The following CIITA variants were observed in gnomAD, a reference collection of about 807,000 sequenced individuals.
CIITA encodes MHC class II transactivator.
Under a neutral mutation model 115.1 loss-of-function variants are expected in CIITA, and 72 were observed. The ratio of observed to expected loss-of-function variants is 0.63; its 90% CI spans 0.52 to 0.76. CIITA has a LOEUF of 0.76. Ranked by LOEUF, CIITA falls within the 30% of genes least tolerant of loss-of-function variation. The pLI is 0.00. For missense variants in CIITA, 1,617 were observed against 1,463.8 expected (o/e 1.10, Z -1.71); for synonymous variants, 763 against 635.6 (o/e 1.20, Z -3.02).
chr16:10,894,089 C>T (rs1382126315), intron 1 of CIITA, among the ~76,000 whole-genome samples: 1 of 152,102 alleles, frequency 6.6e-6, no homozygotes, highest in Non-Finnish European at 1.5e-5. Context: ...TGGGCTCAAG[C>T]GATTCTCCTG....
At chr16:10,886,037 T>C (rs2036909074) in intron 1 of CIITA, among the ~76,000 whole-genome samples, 1 of 147,650 alleles carries the variant, frequency 6.8e-6, no homozygotes, top group African/African-American at 2.4e-5. Flanking sequence ...TTGTATGTGC[T>C]CTTATAAAAC....
intron 1 of CIITA, among the ~76,000 whole-genome samples, chr16:10,890,038 A>C (rs2037392010): frequency 6.6e-6 from 1 of 152,184 alleles, no homozygotes; most frequent in Non-Finnish European, 1.5e-5. Flanking sequence ...GCAGAAGTCC[A>C]CTGTGAGCTG....
Position 10,928,983 on chromosome 16 carries a change from C to G in CIITA, c.*5128C>G, listed in dbSNP as rs996585574. The G allele has an allele frequency of 1.9e-5, 3 of 154,408 alleles. No homozygotes were observed. The highest frequency in any genetic ancestry group is 4.8e-5 in the African/African-American group (2 of 41,478). 9.6% of individuals were successfully genotyped at this position (154,408 alleles called of 1,614,324 possible). On this transcript the variant is annotated 3_prime_UTR_variant, in exon 20 of 20. Coordinates refer to ENST00000324288, the MANE Select transcript of CIITA (RefSeq NM_000246.4). Reference sequence around the variant, plus strand: ...ATCAGAATTAAGTAGGCACAACACTCATACTTTCAGAAAAGCATTTCCAGC... The same window carrying G: ...ATCAGAATTAAGTAGGCACAACACTGATACTTTCAGAAAAGCATTTCCAGC...
At chr16:10,904,844 G>T in intron 10 of CIITA, 32 bp downstream of exon 10, 1 of 1,611,362 alleles carries the variant, frequency 6.2e-7, no homozygotes, top group African/African-American at 1.3e-5. Context: ...TGCCCTGGGT[G>T]GTGGAGATGG....
chr16:10,898,997 A>G lies in CIITA; in HGVS notation c.431A>G (p.Lys144Arg). The change falls in exon 5 of 20, where the codon AAA (lysine) becomes AGA (arginine). Residue 144 changes from lysine to arginine, a missense_variant. Coordinates refer to ENST00000324288, the MANE Select transcript of CIITA (RefSeq NM_000246.4). ...GCAGAAGTTGGGCAGAAAAGTCAGA[A>G]AAGACGTGAGTGAGCCCCTCCCTGA... The part of the protein sequence containing the change: ...MPAEVGQKSQ[K>R]RPFPEELPAD... The G allele has an allele frequency of 6.2e-7, 1 of 1,614,048 alleles. No individual in the cohort carries two copies. Among genetic ancestry groups the G allele is most frequent in the Non-Finnish European group, 8.5e-7 (1 of 1,179,976 alleles).
intron 17 of CIITA, 63 bp downstream of exon 17, chr16:10,922,313 C>T (rs1213937643): frequency 1.4e-5 from 22 of 1,604,922 alleles, no homozygotes; most frequent in African/African-American, 4.0e-5. Context: ...GAAGTCTCTC[C>T]CTGGTGTCCT....
At chr16:10,918,843 C>T (rs1267908033) in intron 16 of CIITA, among the ~76,000 whole-genome samples, 2 of 152,162 alleles carry the variant, frequency 1.3e-5, no homozygotes. Context: ...TTTTCCGGAA[C>T]CTAGGGGTGG....
Position 10,915,047 on chromosome 16 carries a change from C to G in CIITA, c.2889-523C>G, listed in dbSNP as rs762271604. 13 of 456,170 alleles carry G rather than the reference C, an allele frequency of 2.8e-5. 2 individuals carry two copies. Among genetic ancestry groups the G allele is most frequent in the South Asian group, 1.9e-4 (12 of 64,508 alleles). The allele number at this position is 456,170 out of a possible 1,614,324, so 28.3% of individuals were successfully genotyped here. On this transcript the variant is annotated intron_variant, in intron 13 of 19. Coordinates refer to ENST00000324288, the MANE Select transcript of CIITA (RefSeq NM_000246.4). ...AGCCCAACTTACCTCTTTTTCTTTT[C>G]TTTTTTTGTTTTTTTTCTTTTTTGA...
intron 10 of CIITA, 152 bp from the exon 11 acceptor site, chr16:10,906,347 C>A: frequency 1.0e-6 from 1 of 994,932 alleles, no homozygotes; most frequent in Non-Finnish European, 1.5e-6. Context: ...GCAAAAAAGC[C>A]AGACCCTGTC....
At chr16:10,876,421 G>A (rs948276423), upstream of CIITA, among the ~76,000 whole-genome samples, 1 of 152,214 alleles carries the variant, frequency 6.6e-6, no homozygotes, top group African/African-American at 2.4e-5. Flanking sequence ...TTAGATTATA[G>A]CAAGATACTG....
rs767461978 is a variant in CIITA, at chr16:10,930,503, C to G, written c.*6648C>G. On this transcript the variant is annotated 3_prime_UTR_variant, in exon 20 of 20. Transcript: ENST00000324288. ...GGGGCGGAACTGTTTCCATTGAGAC[C>G]CATGCATCGTATAGGATAAGAAACT... The G allele has an allele frequency of 1.3e-5, 2 of 152,074 alleles. No homozygotes were observed. The highest frequency in any genetic ancestry group is 2.9e-5 in the Non-Finnish European group (2 of 68,030). 9.4% of individuals were successfully genotyped at this position (152,074 alleles called of 1,614,324 possible).
chr16:10,907,072 G>C lies in CIITA; in HGVS notation c.1580G>C (p.Gly527Ala), dbSNP rs762177047. Residue 527 changes from glycine to alanine, a missense_variant, in exon 11 of 20, where the codon GGG becomes GCG. By Grantham distance (60) the Gly-to-Ala change is moderately conservative. Coordinates refer to ENST00000324288, the MANE Select transcript of CIITA (RefSeq NM_000246.4). The surrounding 1 kb of genome is among the most constrained non-coding windows in gnomAD (Gnocchi z 5.0). ...PAPAEPCSLR[G>A]LLAGLFQKKL... ...CCGGCGGAGCCCTGCTCCCTCCGGG[G>C]GCTGCTGGCCGGCCTTTTCCAGAAG... 1.6e-5 allele frequency: 25 copies of C among 1,607,444 alleles called. No homozygotes were observed. In the Admixed American group the frequency reaches 3.5e-4, roughly 23 times the overall value.
rs762972942 is a variant in CIITA, at chr16:10,921,268, C to G, written c.3150-899C>G. On this transcript the variant is annotated intron_variant, in intron 16 of 19. Coordinates refer to ENST00000324288, the MANE Select transcript of CIITA (RefSeq NM_000246.4). ...CAGCACCTGACCTGTTAAAAGGCTG[C>G]TTGGTGTCGAGTAAACAGCTGAAGT... 2.6e-4 allele frequency among the ~76,000 whole-genome samples: 40 copies of G among 152,254 alleles called. 1 individual carries two copies. The highest frequency in any genetic ancestry group is 1.0e-4 in the Non-Finnish European group (7 of 68,050).
At chr16:10,905,568 C>A (rs1347897475) in intron 10 of CIITA, among the ~76,000 whole-genome samples, 1 of 152,080 alleles carries the variant, frequency 6.6e-6, no homozygotes, top group East Asian at 1.9e-4. Context: ...CGAGACCAGC[C>A]TGGCCAACAT....
At position 10,935,873 on chromosome 16, in the gene CIITA, A is replaced by G. The variant is rs1009479227; in HGVS notation, c.*12018A>G. On this transcript the variant is annotated 3_prime_UTR_variant, in exon 20 of 20. Transcript: ENST00000324288. Reference sequence around the variant, plus strand: ...TCAATGTCACAAGAGAGAAAGACAGACTGAAGAGCTGATCCAGACTGAAGA... The same window carrying G: ...TCAATGTCACAAGAGAGAAAGACAGGCTGAAGAGCTGATCCAGACTGAAGA... The G allele has an allele frequency of 6.6e-6, 1 of 152,258 alleles. No individual in the cohort carries two copies. Among genetic ancestry groups the G allele is most frequent in the Non-Finnish European group, 1.5e-5 (1 of 68,050 alleles). 9.4% of individuals were successfully genotyped at this position (152,258 alleles called of 1,614,324 possible).
At position 10,923,044 on chromosome 16, in the gene CIITA, A is replaced by T; in HGVS notation, c.3318-184A>T. 1 of 626,994 alleles carries T rather than the reference A, an allele frequency of 1.6e-6. No individual in the cohort carries two copies. The highest frequency in any genetic ancestry group is 2.7e-5 in the East Asian group (1 of 37,016). The allele number at this position is 626,994 out of a possible 1,614,324, so 38.8% of individuals were successfully genotyped here. A position where few individuals can be genotyped will look rare whatever the true frequency, so the allele number is the denominator to read the frequency against. ...CAGCAAGTCAGCTGCAGAACCATAAAGGAATCTCGGGCCTCCTAGGCTTCT... is the reference window on the plus strand; with the variant it reads ...CAGCAAGTCAGCTGCAGAACCATAATGGAATCTCGGGCCTCCTAGGCTTCT... On this transcript the variant is annotated intron_variant, in intron 18 of 19. Transcript: ENST00000324288. The surrounding 1 kb of genome is among the most constrained non-coding windows in gnomAD (Gnocchi z 5.2).
At chr16:10,899,203 A>G (rs59908436) in intron 5 of CIITA, among the ~76,000 whole-genome samples, 10,705 of 152,190 alleles carry the variant, frequency 0.07, 1,265 homozygotes, top group African/African-American at 0.24. Context: ...TACAAAATAC[A>G]TGCCACAAGG....
chr16:10,866,889 C>T (rs1037172109), intron 1 of CIITA, among the ~76,000 whole-genome samples: 1 of 152,228 alleles, frequency 6.6e-6, no homozygotes, highest in African/African-American at 2.4e-5. Context: ...CAGCTCCTGC[C>T]TTCAAAGGGG....
chr16:10,911,993 A>T (rs547112748), intron 13 of CIITA, among the ~76,000 whole-genome samples: 15 of 152,376 alleles, frequency 9.8e-5, no homozygotes, highest in Non-Finnish European at 2.1e-4. Flanking sequence ...CCAAAGTCAT[A>T]AAGGTCAGGT....
Sources: gnomAD v4.1 joint callset for allele counts (sites outside exome capture counted in the v4.1 genomes callset) on GRCh38, gnomAD v4.1.1 for gene constraint, Gnocchi (gnomAD v3.1) non-coding constraint, MANE v1.5 for transcripts, NCBI Gene and HGNC (gene_info 2026-07-23, HGNC 2026-07-21) for gene names.